The following SPICE1 variants were observed in gnomAD, a reference collection of about 807,000 sequenced individuals.
SPICE1 encodes the protein spindle and centriole-associated protein 1.
In SPICE1, 75 loss-of-function variants were observed where a neutral mutation model predicts 102.7. The observed-to-expected ratio is 0.73, with a 90% CI of 0.61 to 0.88. The LOEUF (loss-of-function observed/expected upper bound fraction) is 0.88, where lower values mean the gene tolerates loss of function less well. Among genes scored for constraint, SPICE1 ranks in the 40% least tolerant of loss-of-function variants. The pLI is 0.00. For synonymous variants in SPICE1, 308 were observed against 350.3 expected (o/e 0.88, Z 1.35); for missense variants, 979 against 1,020.1 (o/e 0.96, Z 0.55).
intron 7 of SPICE1, among the ~76,000 whole-genome samples, chr3:113,487,019 A>T (rs897439470): frequency 6.6e-6 from 1 of 152,030 alleles, no homozygotes; most frequent in Admixed American, 6.6e-5. Context: ...CCCTGAAAAC[A>T]GCTTTTTGTA....
chr3:113,502,699 TA>T lies in SPICE1; in HGVS notation c.147+480del, dbSNP rs1304637798. On this transcript the variant is annotated intron_variant, in intron 3 of 17. Transcript: ENST00000295872. The stretch of plus-strand genomic sequence containing the variant: ...AAAAAAAAAAACCTAAGTGGAAACA[TA>T]AAAAAAAAAAGTAGGATTTGAACTA... Among the ~76,000 whole-genome samples, 45 of 56,478 alleles carry T rather than the reference TA, an allele frequency of 8.0e-4. 1 individual carries two copies. The highest frequency in any genetic ancestry group is 2.1e-3 in the Admixed American group (13 of 6,146). 37.1% of individuals were successfully genotyped at this position (56,478 alleles called of 152,430 possible).
At position 113,443,932 on chromosome 3, in the gene SPICE1, T is replaced by C. The variant is rs190544775; in HGVS notation, c.*1375A>G. Reference sequence around the variant, plus strand: ...TGTTTACAGCATAAGAATGATTATATGATAACTGTGGATGTTGTTATCAAT... The same window carrying C: ...TGTTTACAGCATAAGAATGATTATACGATAACTGTGGATGTTGTTATCAAT... On this transcript the variant is annotated 3_prime_UTR_variant, in exon 18 of 18. Transcript: ENST00000295872. The C allele has an allele frequency of 6.6e-6, 1 of 152,362 alleles. No homozygotes were observed. Among genetic ancestry groups the C allele is most frequent in the East Asian group, 1.9e-4 (1 of 5,186 alleles). The allele number at this position is 152,362 out of a possible 1,614,324, so 9.4% of individuals were successfully genotyped here. A position where few individuals can be genotyped will look rare whatever the true frequency, so the allele number is the denominator to read the frequency against.
chr3:113,501,433 A>T (rs1377166459), intron 3 of SPICE1, among the ~76,000 whole-genome samples: 1 of 152,212 alleles, frequency 6.6e-6, no homozygotes, highest in Non-Finnish European at 1.5e-5. Flanking sequence ...ATCAAAATTA[A>T]AAACTTCCCT....
chr3:113,496,993 T>C (rs1936904807), intron 4 of SPICE1, among the ~76,000 whole-genome samples: 1 of 152,198 alleles, frequency 6.6e-6, no homozygotes, highest in Non-Finnish European at 1.5e-5. Flanking sequence ...TATCCAGCAA[T>C]GTTCTTTTGG....
At position 113,469,152 on chromosome 3, in the gene SPICE1, T is replaced by C. The variant is rs778510695; in HGVS notation, c.698A>G (p.Gln233Arg). The change falls in exon 8 of 18, where the codon CAA (glutamine) becomes CGA (arginine). Residue 233 changes from glutamine (Q) to arginine (R), a missense_variant. Gln to Arg is a conservative substitution (Grantham distance 43). Coordinates refer to ENST00000295872, the MANE Select transcript of SPICE1 (RefSeq NM_144718.4). ...TGATGGCGTTCCTGGAGGAGTTATTTGTGACTGGGTTGCTATTTTCTGCTG... is the reference window on the plus strand; with the variant it reads ...TGATGGCGTTCCTGGAGGAGTTATTCGTGACTGGGTTGCTATTTTCTGCTG... ...DIQQKIATQS[Q>R]ITPPGTPSSA... 6.2e-7 allele frequency: 1 copy of C among 1,613,646 alleles called. No homozygotes were observed.
chr3:113,463,599 T>C (rs1935983817), intron 11 of SPICE1, among the ~76,000 whole-genome samples: 1 of 152,258 alleles, frequency 6.6e-6, no homozygotes, highest in Non-Finnish European at 1.5e-5. Context: ...AGGAATGAAG[T>C]ACTGATACAT....
intron 4 of SPICE1, among the ~76,000 whole-genome samples, chr3:113,494,814 A>T (rs1243187290): frequency 6.6e-6 from 1 of 152,200 alleles, no homozygotes; most frequent in Non-Finnish European, 1.5e-5. Context: ...TCTATTTTTT[A>T]AATGTTGGCA....
intron 1 of SPICE1, among the ~76,000 whole-genome samples, chr3:113,508,401 T>C (rs1257711740): frequency 6.6e-6 from 1 of 152,146 alleles, no homozygotes; most frequent in Non-Finnish European, 1.5e-5. Context: ...ATCCAGACTA[T>C]ATAAAGAAAT....
intron 4 of SPICE1, among the ~76,000 whole-genome samples, 155 bp from the exon 5 acceptor site, chr3:113,494,297 G>T (rs1361532628): frequency 6.6e-6 from 1 of 152,188 alleles, no homozygotes; most frequent in Admixed American, 6.5e-5. Flanking sequence ...ACCAGTAGAT[G>T]GGGCTAAGAC....
Position 113,455,106 on chromosome 3 carries a change from T to C in SPICE1, c.1658-1156A>G, listed in dbSNP as rs573259731. On this transcript the variant is annotated intron_variant, in intron 13 of 17. Coordinates refer to ENST00000295872, the MANE Select transcript of SPICE1 (RefSeq NM_144718.4). The stretch of plus-strand genomic sequence containing the variant: ...CCTGAATATGCCCACCATATTCCCA[T>C]TGCAATTCTCAATCTCAAATAAATA... Among the ~76,000 whole-genome samples the C allele has an allele frequency of 4.6e-5, 7 of 152,340 alleles. No homozygotes were observed. In the South Asian group the frequency reaches 1.4e-3, roughly 32 times the overall value.
intron 1 of SPICE1, among the ~76,000 whole-genome samples, chr3:113,507,343 T>C (rs1937132218): frequency 6.6e-6 from 1 of 152,132 alleles, no homozygotes; most frequent in African/African-American, 2.4e-5. Flanking sequence ...AATACATATA[T>C]ATGACTTTTA....
intron 7 of SPICE1, among the ~76,000 whole-genome samples, chr3:113,471,664 T>A (rs758948042): frequency 6.6e-6 from 1 of 152,178 alleles, no homozygotes; most frequent in African/African-American, 2.4e-5. Context: ...CATGGAAGCA[T>A]AGTATGTAAA....
intron 12 of SPICE1, chr3:113,459,792 G>T: frequency 1.2e-6 from 1 of 838,268 alleles, no homozygotes; most frequent in Non-Finnish European, 1.4e-6. Flanking sequence ...TGAGGCAGGA[G>T]AATCGCTTGA....
At chr3:113,449,206 G>C (rs978008657) in intron 15 of SPICE1, 1 of 152,118 alleles carries the variant, frequency 6.6e-6, no homozygotes, top group Admixed American at 6.5e-5. Flanking sequence ...CTTGCACTTA[G>C]CACTAACTGA....
At chr3:113,459,508 T>C (rs1935875934) in intron 12 of SPICE1, 2 of 983,866 alleles carry the variant, frequency 2.0e-6, no homozygotes, top group Non-Finnish European at 2.4e-6. Flanking sequence ...TTCTTACCTA[T>C]AGGATAATTA....
intron 2 of SPICE1, among the ~76,000 whole-genome samples, chr3:113,505,359 C>G (rs1251387958): frequency 2.0e-5 from 3 of 152,000 alleles, no homozygotes; most frequent in Non-Finnish European, 2.9e-5. Flanking sequence ...AGAGTCACAT[C>G]CTTGTTATTA....
intron 7 of SPICE1, among the ~76,000 whole-genome samples, chr3:113,482,100 G>A (rs150552963): frequency 0.037 from 5,640 of 152,188 alleles, 159 homozygotes; most frequent in African/African-American, 0.07. Context: ...TTTAATGATC[G>A]CCATTCTAAC....
intron 7 of SPICE1, among the ~76,000 whole-genome samples, chr3:113,473,787 C>T (rs577159618): frequency 0.017 from 2,619 of 151,540 alleles, 25 homozygotes; most frequent in Middle Eastern, 0.041. Context: ...CTGAAGGAAG[C>T]ACTAAACATG....
chr3:113,469,935 A>G (rs1400135802), intron 7 of SPICE1, among the ~76,000 whole-genome samples: 1 of 152,154 alleles, frequency 6.6e-6, no homozygotes, highest in African/African-American at 2.4e-5. Flanking sequence ...TCTGCTCATC[A>G]ATGAAGTAAA....
Sources: allele counts gnomAD v4.1 joint callset (sites outside exome capture counted in the v4.1 genomes callset), GRCh38; gene constraint gnomAD v4.1.1; transcripts MANE v1.5; gene names NCBI Gene and HGNC (gene_info 2026-07-23, HGNC 2026-07-21).